GRIA3: variants seen among roughly 807,000 people sequenced by gnomAD.
The protein encoded by GRIA3 is glutamate receptor 3.
GRIA3 carries 3 observed loss-of-function variants against 63.0 expected under a neutral mutation model. That is an observed-to-expected ratio of 0.05 (90% CI 0.02 to 0.12). The LOEUF (loss-of-function observed/expected upper bound fraction) is 0.12. Among genes scored for constraint, GRIA3 ranks in the 10% least tolerant of loss-of-function variants. The pLI, the probability that GRIA3 is intolerant of heterozygous loss-of-function variation, is 1.00. For synonymous variants in GRIA3, 274 were observed against 257.9 expected, an observed-to-expected ratio of 1.06 and a Z score of -0.60; for missense variants, 347 against 700.9, an observed-to-expected ratio of 0.50 and a Z score of 5.70.
At chrX:123,287,620 AAT>A (rs1055988037) in intron 3 of GRIA3, among the ~76,000 whole-genome samples, 3 of 111,745 alleles carry the variant, frequency 2.7e-5, no homozygotes, top group Non-Finnish European at 5.6e-5. Flanking sequence ...ATACACCAAT[AAT>A]AGACAAACAG....
intron 12 of GRIA3, among the ~76,000 whole-genome samples, chrX:123,429,310 C>G (rs2045605609): frequency 8.9e-6 from 1 of 112,192 alleles, no homozygotes; most frequent in East Asian, 2.8e-4. Context: ...GACATTACAG[C>G]AATTAACTAC....
chrX:123,277,923 G>T (rs2044564671), intron 3 of GRIA3, among the ~76,000 whole-genome samples: 1 of 112,098 alleles, frequency 8.9e-6, no homozygotes, highest in Admixed American at 9.5e-5. Flanking sequence ...GAATGCCAGG[G>T]TTGAAAATCC....
At chrX:123,351,729 G>A (rs1215266972) in intron 4 of GRIA3, among the ~76,000 whole-genome samples, 1 of 111,727 alleles carries the variant, frequency 9.0e-6, no homozygotes, top group African/African-American at 3.3e-5. Context: ...TTAATTTACT[G>A]TGAACTGGAA....
intron 15 of GRIA3, among the ~76,000 whole-genome samples, chrX:123,484,481 CT>C (rs2045930496): frequency 9.1e-6 from 1 of 110,016 alleles, no homozygotes; most frequent in Non-Finnish European, 1.9e-5. Context: ...GGGGGGTGTT[CT>C]GTTTTGTTTT....
chrX:123,398,945 T>C (rs367933290), intron 7 of GRIA3, 142 bp downstream of exon 7: 2 of 464,222 alleles, frequency 4.3e-6, no homozygotes, highest in African/African-American at 2.5e-5. Context: ...AGGATAAGTA[T>C]AGCCATTTCT....
chrX:123,447,104 C>T (rs1025676664), intron 12 of GRIA3, among the ~76,000 whole-genome samples: 6 of 111,488 alleles, frequency 5.4e-5, no homozygotes, highest in African/African-American at 2.0e-4. Context: ...AGATTTGGGC[C>T]GGATGCAGTG....
At chrX:123,195,919 A>G (rs1024652978) in intron 2 of GRIA3, among the ~76,000 whole-genome samples, 1 of 111,670 alleles carries the variant, frequency 9.0e-6, no homozygotes, top group Admixed American at 9.5e-5. Context: ...TACACTCTAT[A>G]TCTAGTAGCT....
At chrX:123,310,602 AGGGTAAG>A (rs755360001) in intron 3 of GRIA3, among the ~76,000 whole-genome samples, 1 of 113,257 alleles carries the variant, frequency 8.8e-6, no homozygotes, top group East Asian at 2.8e-4. Flanking sequence ...GGGAACAATC[AGGGTAAG>A]GGAGCAGAAA....
chrX:123,293,898 A>G (rs1011290015), intron 3 of GRIA3, among the ~76,000 whole-genome samples: 10 of 110,432 alleles, frequency 9.1e-5, no homozygotes, highest in African/African-American at 3.3e-4. Context: ...GTTTAAGTCA[A>G]AATAATGATA....
chrX:123,424,083 C>A (rs913542527), intron 11 of GRIA3, among the ~76,000 whole-genome samples: 1 of 112,049 alleles, frequency 8.9e-6, no homozygotes, highest in Non-Finnish European at 1.9e-5. Context: ...ATTTTACAGC[C>A]ATTTCATTAC....
chrX:123,187,053 AT>A (rs1292466165), intron 2 of GRIA3, among the ~76,000 whole-genome samples: 26 of 112,516 alleles, frequency 2.3e-4, no homozygotes, highest in African/African-American at 7.1e-4. Context: ...ATGGTATAAA[AT>A]ATGCTTTGCT....
intron 3 of GRIA3, among the ~76,000 whole-genome samples, chrX:123,278,175 T>C (rs1289606729): frequency 8.9e-6 from 1 of 111,933 alleles, no homozygotes; most frequent in Non-Finnish European, 1.9e-5. Flanking sequence ...CATTCTACTC[T>C]TGAGAGTGCA....
intron 10 of GRIA3, among the ~76,000 whole-genome samples, chrX:123,416,262 T>C (rs1170935716): frequency 8.9e-6 from 1 of 112,102 alleles, no homozygotes; most frequent in Non-Finnish European, 1.9e-5. Context: ...AGGAGTAAAA[T>C]TTCATTTCTT....
intron 5 of GRIA3, among the ~76,000 whole-genome samples, chrX:123,388,118 T>A (rs149222410): frequency 0.014 from 1,618 of 112,216 alleles, 35 homozygotes; most frequent in African/African-American, 0.05. Flanking sequence ...TCATTATTGG[T>A]CTGTTTAGGT....
chrX:123,374,625 A>G (rs760213034), intron 5 of GRIA3, among the ~76,000 whole-genome samples: 1 of 111,679 alleles, frequency 9.0e-6, no homozygotes, highest in African/African-American at 3.3e-5. Context: ...GCAATTGTGA[A>G]TGGGAGTTCA....
chrX:123,417,799 C>A, intron 11 of GRIA3, 21 bp downstream of exon 11: 2 of 1,153,399 alleles, frequency 1.7e-6, no homozygotes, highest in Non-Finnish European at 1.2e-6. Flanking sequence ...GTGGCATACT[C>A]AATGCCTCAT....
At chrX:123,243,715 G>A (rs1248383196) in intron 2 of GRIA3, among the ~76,000 whole-genome samples, 1 of 112,004 alleles carries the variant, frequency 8.9e-6, no homozygotes, top group Non-Finnish European at 1.9e-5. Context: ...TAGACTGTAA[G>A]CACCATGAAG....
intron 13 of GRIA3, among the ~76,000 whole-genome samples, chrX:123,467,284 G>C (rs1489539873): frequency 8.9e-6 from 1 of 112,352 alleles, no homozygotes; most frequent in Non-Finnish European, 1.9e-5. Context: ...CTGCTTCCCT[G>C]AGGCGAGAAA....
chrX:123,320,641 G>T (rs984292925), intron 3 of GRIA3, among the ~76,000 whole-genome samples: 1 of 111,860 alleles, frequency 8.9e-6, no homozygotes, highest in Non-Finnish European at 1.9e-5. Flanking sequence ...ACACCAAAAT[G>T]TTGCTAAGCG....
Sources: allele counts gnomAD v4.1 joint callset (sites outside exome capture counted in the v4.1 genomes callset), GRCh38; gene constraint gnomAD v4.1.1; transcripts MANE v1.5; gene names NCBI Gene and HGNC (gene_info 2026-07-23, HGNC 2026-07-21).